HIPK2: variants seen among roughly 807,000 people sequenced by gnomAD.
The protein encoded by HIPK2 is homeodomain-interacting protein kinase 2.
HIPK2 carries 27 observed loss-of-function variants against 113.7 expected under a neutral mutation model. That is an observed-to-expected ratio of 0.24 (90% CI 0.17 to 0.33). The LOEUF is 0.33. HIPK2 is among the 10% of genes least tolerant of loss of function. HIPK2 has a pLI of 1.00. For synonymous variants in HIPK2, 631 were observed against 642.2 expected (o/e 0.98, Z 0.26); for missense variants, 1,257 against 1,588.0 (o/e 0.79, Z 3.54).
intron 2 of HIPK2, among the ~76,000 whole-genome samples, chr7:139,678,977 T>C (rs1802605747): frequency 6.6e-6 from 1 of 152,204 alleles, no homozygotes; most frequent in South Asian, 2.1e-4. Context: ...ATTATTGGTG[T>C]ATAAGAATGC....
At chr7:139,618,521 C>G (rs1349388673) in intron 7 of HIPK2, among the ~76,000 whole-genome samples, 7 of 152,222 alleles carry the variant, frequency 4.6e-5, no homozygotes, top group Admixed American at 6.5e-5. Context: ...TCTGGATGGT[C>G]TCAGTGCCGT....
intron 12 of HIPK2, among the ~76,000 whole-genome samples, chr7:139,585,531 T>C (rs1190649654): frequency 1.3e-5 from 2 of 152,112 alleles, no homozygotes; most frequent in Non-Finnish European, 2.9e-5. Context: ...AACCTTGGAG[T>C]CAGCTGTCTA....
At chr7:139,633,112 A>G (rs1200680867) in intron 2 of HIPK2, among the ~76,000 whole-genome samples, 6 of 150,334 alleles carry the variant, frequency 4.0e-5, no homozygotes, top group Admixed American at 3.3e-4. Flanking sequence ...AAAAAAAAAA[A>G]AAAAAAAGAA....
intron 2 of HIPK2, among the ~76,000 whole-genome samples, chr7:139,640,730 C>T (rs1315631770): frequency 1.3e-5 from 2 of 151,880 alleles, no homozygotes; most frequent in Non-Finnish European, 2.9e-5. Context: ...GTTGACCGCA[C>T]CTTCCACCTC....
chr7:139,698,984 A>G (rs1444287133), intron 2 of HIPK2, among the ~76,000 whole-genome samples: 1 of 152,030 alleles, frequency 6.6e-6, no homozygotes, highest in African/African-American at 2.4e-5. Context: ...GAGAAATGAA[A>G]CCTGAGTAGG....
chr7:139,714,240 C>A lies in HIPK2; in HGVS notation c.1103+1692G>T, dbSNP rs1795153719. ...AGAGGCTCGCAGAGAGCTGTTCTAA[C>A]TCAGGAAATGCCTCCTAAAGGGAAG... On this transcript the variant is annotated intron_variant, in intron 2 of 14. Coordinates refer to ENST00000406875, the MANE Select transcript of HIPK2 (RefSeq NM_022740.5). This position sits in a 1 kb window ranked among gnomAD's most constrained non-coding sequence, Gnocchi z 4.2. Among the ~76,000 whole-genome samples, 1 of 152,188 alleles carries A rather than the reference C, an allele frequency of 6.6e-6. No homozygotes were observed. Among genetic ancestry groups the A allele is most frequent in the African/African-American group, 2.4e-5 (1 of 41,452 alleles).
chr7:139,757,713 G>C (rs1276581904), intron 1 of HIPK2, among the ~76,000 whole-genome samples: 1 of 152,182 alleles, frequency 6.6e-6, no homozygotes, highest in African/African-American at 2.4e-5. Flanking sequence ...AAGGGGGAAT[G>C]ACTGCTAATG....
At chr7:139,763,472 G>GCCCCA (rs1554458998) in intron 1 of HIPK2, among the ~76,000 whole-genome samples, 2 of 100,792 alleles carry the variant, frequency 2.0e-5, no homozygotes, top group African/African-American at 1.0e-4. Context: ...GCCGGAACAC[G>GCCCCA]CCCCCCCCCC....
chr7:139,695,868 C>T (rs1300415521), intron 2 of HIPK2, among the ~76,000 whole-genome samples: 1 of 152,206 alleles, frequency 6.6e-6, no homozygotes, highest in Non-Finnish European at 1.5e-5. Context: ...ATTTTCTGCA[C>T]TGGACTCTCC....
At chr7:139,749,753 G>C (rs1796250324) in intron 1 of HIPK2, among the ~76,000 whole-genome samples, 1 of 152,188 alleles carries the variant, frequency 6.6e-6, no homozygotes. Flanking sequence ...TGAAATAGTG[G>C]CAGGCTCTAT....
At chr7:139,657,608 G>T (rs1801717752) in intron 2 of HIPK2, among the ~76,000 whole-genome samples, 1 of 152,154 alleles carries the variant, frequency 6.6e-6, no homozygotes, top group African/African-American at 2.4e-5. Flanking sequence ...TCTGCACAAT[G>T]TTCAGTTTCA....
At chr7:139,727,004 T>C (rs1211285744) in intron 1 of HIPK2, among the ~76,000 whole-genome samples, 3 of 152,088 alleles carry the variant, frequency 2.0e-5, no homozygotes, top group African/African-American at 7.2e-5. Context: ...AAATGTTCTA[T>C]ATGCAACAAG....
intron 2 of HIPK2, among the ~76,000 whole-genome samples, chr7:139,687,128 AATG>A (rs1320512556): frequency 3.9e-5 from 6 of 152,234 alleles, no homozygotes; most frequent in Non-Finnish European, 8.8e-5. Context: ...TTTATTTAAA[AATG>A]ATGTCTTGCT....
At chr7:139,695,857 A>G (rs1395747514) in intron 2 of HIPK2, among the ~76,000 whole-genome samples, 8 of 152,324 alleles carry the variant, frequency 5.3e-5, no homozygotes, top group Admixed American at 5.2e-4. Context: ...ATTTCTGTCT[A>G]ATTTTCTGCA....
At chr7:139,676,983 T>C (rs1439500106) in intron 2 of HIPK2, among the ~76,000 whole-genome samples, 2 of 151,744 alleles carry the variant, frequency 1.3e-5, no homozygotes, top group Non-Finnish European at 2.9e-5. Context: ...TGCTTCAGCC[T>C]CCCGAGTAGC....
chr7:139,653,189 C>T (rs978392272), intron 2 of HIPK2, among the ~76,000 whole-genome samples: 3 of 146,472 alleles, frequency 2.0e-5, no homozygotes, highest in Non-Finnish European at 4.5e-5. Flanking sequence ...GGAAGTGACA[C>T]AAGGGCTAGG....
rs1796149998 is a variant in HIPK2, at chr7:139,744,015, G to A, written c.20-27000C>T. Among the ~76,000 whole-genome samples, 4 of 152,176 alleles carry A rather than the reference G, an allele frequency of 2.6e-5. No individual in the cohort carries two copies. In the South Asian group the frequency reaches 8.3e-4, roughly 32 times the overall value. The stretch of plus-strand genomic sequence containing the variant: ...GAGAAGACATACAAATGGTCAATAT[G>A]CACAGGATGATCATTATTAATTATT... On this transcript the variant is annotated intron_variant, in intron 1 of 14. Transcript: ENST00000406875.
rs961721901 is a variant in HIPK2, at chr7:139,564,056, C to T, written c.*8871G>A. ...TCTCAATGGACCAGGCTGAGCTGCC[C>T]CTCTGTCTCTGCCTCCTCCTGCTCA... On this transcript the variant is annotated 3_prime_UTR_variant, in exon 15 of 15. Coordinates refer to ENST00000406875, the MANE Select transcript of HIPK2 (RefSeq NM_022740.5). 3.8e-5 allele frequency: 15 copies of T among 397,718 alleles called. No individual in the cohort carries two copies. The highest frequency in any genetic ancestry group is 5.8e-5 in the Non-Finnish European group (13 of 226,026). 24.6% of individuals were successfully genotyped at this position (397,718 alleles called of 1,614,324 possible).
intron 1 of HIPK2, among the ~76,000 whole-genome samples, chr7:139,728,546 A>G (rs542843956): frequency 6.6e-6 from 1 of 152,290 alleles, no homozygotes; most frequent in South Asian, 2.1e-4. Context: ...CCTTTTAATA[A>G]GGACATCAGT....
Sources: gnomAD v4.1 joint callset for allele counts (sites outside exome capture counted in the v4.1 genomes callset) on GRCh38, gnomAD v4.1.1 for gene constraint, Gnocchi (gnomAD v3.1) non-coding constraint, MANE v1.5 for transcripts, NCBI Gene and HGNC (gene_info 2026-07-23, HGNC 2026-07-21) for gene names.